Variants in SLC44A5 observed in about 807,000 individuals in gnomAD.
The protein encoded by SLC44A5 is solute carrier family 44 member 5, also known as choline transporter-like protein 5.
In SLC44A5, 57 loss-of-function variants were observed where a neutral mutation model predicts 101.8. The observed-to-expected ratio is 0.56, with a 90% confidence interval of 0.45 to 0.70. The LOEUF is 0.70. SLC44A5 is among the 30% of genes least tolerant of loss of function. The pLI is 0.00. For synonymous variants in SLC44A5, 281 were observed against 290.9 expected (o/e 0.97, Z 0.35); for missense variants, 737 against 853.1 (o/e 0.86, Z 1.70).
At chr1:75,635,572 C>T in the SLC44A5 span, among the ~76,000 whole-genome samples, 55 of 147,666 alleles carry the variant, frequency 3.7e-4, no homozygotes, top group Middle Eastern at 3.5e-3. Flanking sequence ...AACCAAACAC[C>T]GCATGTTCTC....
intron 2 of SLC44A5, among the ~76,000 whole-genome samples, chr1:75,477,683 G>A (rs998840298): frequency 5.9e-5 from 9 of 152,210 alleles, no homozygotes; most frequent in South Asian, 4.1e-4. Flanking sequence ...GAAATGAAAC[G>A]AGAAGGGAAG....
chr1:75,678,453 C>A, the SLC44A5 span, among the ~76,000 whole-genome samples: 6 of 152,096 alleles, frequency 3.9e-5, no homozygotes, highest in South Asian at 1.2e-3. Flanking sequence ...GGTCCCTGAC[C>A]CCTGACACCC....
At chr1:75,660,068 G>A in the SLC44A5 span, among the ~76,000 whole-genome samples, 2 of 152,042 alleles carry the variant, frequency 1.3e-5, no homozygotes, top group South Asian at 4.2e-4. Context: ...GCCTGGTGTG[G>A]TGGTGCATGC....
intron 2 of SLC44A5, among the ~76,000 whole-genome samples, chr1:75,449,629 T>C (rs1665781298): frequency 6.6e-6 from 1 of 152,194 alleles, no homozygotes; most frequent in South Asian, 2.1e-4. Context: ...CATATATGTT[T>C]ATAGAAATCT....
intron 2 of SLC44A5, among the ~76,000 whole-genome samples, chr1:75,523,981 G>A (rs1670282518): frequency 6.6e-6 from 1 of 152,224 alleles, no homozygotes; most frequent in Admixed American, 6.5e-5. Context: ...AATCTGTTAA[G>A]ACCAATTGAT....
rs114571831 is a variant in SLC44A5 at position 75,582,884 on chromosome 1, T to C, written c.-70+28156A>G. Among the ~76,000 whole-genome samples, 349 of 152,334 alleles carry C rather than the reference T, an allele frequency of 2.3e-3. 3 individuals carry two copies. The highest frequency in any genetic ancestry group is 8.0e-3 in the African/African-American group (333 of 41,586). The stretch of plus-strand genomic sequence containing the variant: ...AATCTGGGCCCTTCATTATTAATTA[T>C]TGCATGAGCTGGACTCAGTAGCAAT... On this transcript the variant is annotated intron_variant, in intron 1 of 23. Coordinates refer to ENST00000370859, the MANE Select transcript of SLC44A5 (RefSeq NM_001130058.2).
chr1:75,605,494 G>T (rs991467047), intron 1 of SLC44A5, among the ~76,000 whole-genome samples: 1 of 152,086 alleles, frequency 6.6e-6, no homozygotes, highest in African/African-American at 2.4e-5. Flanking sequence ...ATAGTGATTT[G>T]TAGAGTCAGA....
intron 3 of SLC44A5, among the ~76,000 whole-genome samples, chr1:75,394,170 T>C (rs1249816): frequency 1.3e-5 from 2 of 151,860 alleles, no homozygotes. Flanking sequence ...GTGTGGTATC[T>C]TGGAAGCAGA....
intron 3 of SLC44A5, among the ~76,000 whole-genome samples, chr1:75,383,648 G>C (rs1427850328): frequency 1.3e-5 from 2 of 152,280 alleles, no homozygotes; most frequent in African/African-American, 4.8e-5. Flanking sequence ...TATTATCCAG[G>C]AGAACTTCCC....
chr1:75,372,215 A>G (rs1660275673), intron 3 of SLC44A5, among the ~76,000 whole-genome samples: 1 of 151,712 alleles, frequency 6.6e-6, no homozygotes, highest in South Asian at 2.1e-4. Flanking sequence ...AAAAAAAAAA[A>G]ACCTTCAGGG....
At chr1:75,285,195 T>G (rs1230439867) in intron 5 of SLC44A5, among the ~76,000 whole-genome samples, 1 of 152,014 alleles carries the variant, frequency 6.6e-6, no homozygotes, top group Non-Finnish European at 1.5e-5. Context: ...CTGTTCAGAG[T>G]TTCTATTTCT....
chr1:75,238,855 C>G (rs541499152), intron 9 of SLC44A5, among the ~76,000 whole-genome samples: 2 of 152,032 alleles, frequency 1.3e-5, no homozygotes, highest in Non-Finnish European at 2.9e-5. Flanking sequence ...ACATTCTAAA[C>G]TTGATTATTT....
the SLC44A5 span, among the ~76,000 whole-genome samples, chr1:75,722,098 A>G: frequency 1.3e-5 from 2 of 152,226 alleles, no homozygotes; most frequent in Non-Finnish European, 2.9e-5. Flanking sequence ...CAACCTACAG[A>G]TCTGAGAAAA....
intron 2 of SLC44A5, among the ~76,000 whole-genome samples, chr1:75,446,536 C>T (rs1456815344): frequency 6.6e-6 from 1 of 151,996 alleles, no homozygotes; most frequent in Non-Finnish European, 1.5e-5. Context: ...TTCTTGATTG[C>T]ATGGATGTTA....
At chr1:75,692,113 C>T in the SLC44A5 span, among the ~76,000 whole-genome samples, 2 of 150,644 alleles carry the variant, frequency 1.3e-5, no homozygotes, top group African/African-American at 4.9e-5. Flanking sequence ...ACTGGGAAAA[C>T]CACAAGTAAA....
the SLC44A5 span, among the ~76,000 whole-genome samples, chr1:75,698,279 G>A: frequency 3.2e-4 from 48 of 152,252 alleles, 1 homozygote; most frequent in East Asian, 3.9e-3. Flanking sequence ...GAGAGCAGTG[G>A]TTCTCCCAGT....
intron 5 of SLC44A5, among the ~76,000 whole-genome samples, chr1:75,287,347 C>CT (rs1016307514): frequency 1.4e-5 from 2 of 140,328 alleles, no homozygotes; most frequent in Non-Finnish European, 3.1e-5. Flanking sequence ...TATTCTGTAA[C>CT]TTTTTTTCAT....
At chr1:75,441,053 G>T (rs1665168085) in intron 2 of SLC44A5, among the ~76,000 whole-genome samples, 1 of 151,968 alleles carries the variant, frequency 6.6e-6, no homozygotes, top group East Asian at 1.9e-4. Flanking sequence ...ACACAAGAAG[G>T]TTAATTACAG....
chr1:75,423,844 C>G (rs1037988465), intron 2 of SLC44A5, among the ~76,000 whole-genome samples: 1 of 152,220 alleles, frequency 6.6e-6, no homozygotes, highest in African/African-American at 2.4e-5. Context: ...ATTAACCCAT[C>G]CTAATCAACT....
Sources: allele counts gnomAD v4.1 joint callset (sites outside exome capture counted in the v4.1 genomes callset), GRCh38; gene constraint gnomAD v4.1.1; transcripts MANE v1.5; gene names NCBI Gene and HGNC (gene_info 2026-07-23, HGNC 2026-07-21).